The following AHI1 variants were observed in gnomAD, a reference collection of about 807,000 sequenced individuals.
AHI1 encodes jouberin.
In AHI1, 123 loss-of-function variants were observed where a neutral mutation model predicts 149.3. That is an observed-to-expected ratio of 0.82 (90% CI 0.71 to 0.96). AHI1 has a LOEUF of 0.96. AHI1 is among the 40% of genes least tolerant of loss of function. The probability of loss-of-function intolerance (pLI) is 0.00; values close to 1 mark genes in which losing one functional copy is unlikely to be tolerated. For synonymous variants in AHI1, 475 were observed against 459.8 expected (o/e 1.03, Z -0.42); for missense variants, 1,439 against 1,422.7 (o/e 1.01, Z -0.18).
intron 27 of AHI1, among the ~76,000 whole-genome samples, chr6:135,300,100 G>A (rs940936256): frequency 1.3e-5 from 2 of 152,066 alleles, no homozygotes; most frequent in African/African-American, 4.8e-5. Context: ...CGAGGCAGGT[G>A]GATCACCTGA....
chr6:135,381,986 AT>A (rs1776831147), intron 23 of AHI1, among the ~76,000 whole-genome samples: 1 of 152,232 alleles, frequency 6.6e-6, no homozygotes, highest in African/African-American at 2.4e-5. Flanking sequence ...GAGTACTTCT[AT>A]TAAAATGTGT....
chr6:135,340,656 TAC>T (rs147452903), intron 24 of AHI1, among the ~76,000 whole-genome samples: 8,195 of 58,462 alleles, frequency 0.14, 485 homozygotes, highest in African/African-American at 0.21. Flanking sequence ...TATACATACA[TAC>T]ATATATATAT....
At chr6:135,370,511 G>T (rs1308657611) in intron 23 of AHI1, among the ~76,000 whole-genome samples, 2 of 152,192 alleles carry the variant, frequency 1.3e-5, no homozygotes, top group Non-Finnish European at 2.9e-5. Context: ...ATCTCTCCTT[G>T]CCTCAGCAGT....
chr6:135,394,459 C>G (rs1778935574), intron 23 of AHI1, among the ~76,000 whole-genome samples: 1 of 152,004 alleles, frequency 6.6e-6, no homozygotes, highest in Admixed American at 6.6e-5. Context: ...GATTATCCAT[C>G]TATGATGGGT....
intron 26 of AHI1, among the ~76,000 whole-genome samples, chr6:135,317,388 C>G (rs567001812): frequency 6.6e-6 from 1 of 150,808 alleles, no homozygotes; most frequent in Non-Finnish European, 1.5e-5. Flanking sequence ...TCATACCATC[C>G]CATAACTTAC....
chr6:135,398,629 T>C (rs1266628042), intron 22 of AHI1, among the ~76,000 whole-genome samples: 4 of 152,190 alleles, frequency 2.6e-5, no homozygotes, highest in Non-Finnish European at 5.9e-5. Flanking sequence ...TATCCAGCAA[T>C]ATTCTTTAGG....
At chr6:135,337,923 G>A (rs1036099806) in intron 24 of AHI1, among the ~76,000 whole-genome samples, 6 of 152,090 alleles carry the variant, frequency 3.9e-5, no homozygotes, top group Admixed American at 2.6e-4. Context: ...GGAGAAGTTC[G>A]CGTACATGCA....
intron 23 of AHI1, among the ~76,000 whole-genome samples, chr6:135,393,002 C>T (rs1015175162): frequency 1.6e-4 from 25 of 152,164 alleles, no homozygotes; most frequent in African/African-American, 4.3e-4. Context: ...AAGAAAGATA[C>T]GCCTTAAAAT....
At chr6:135,465,500 T>C (rs1368856576) in intron 7 of AHI1, among the ~76,000 whole-genome samples, 1 of 152,130 alleles carries the variant, frequency 6.6e-6, no homozygotes, top group East Asian at 1.9e-4. Context: ...CAGATGTAAG[T>C]GAGTAGTTCA....
intron 20 of AHI1, among the ~76,000 whole-genome samples, chr6:135,421,247 G>A (rs1209073954): frequency 2.6e-5 from 4 of 152,216 alleles, no homozygotes; most frequent in Middle Eastern, 3.4e-3. Context: ...TGAGAGCTAC[G>A]AAAATGTGAC....
chr6:135,352,703 A>G (rs62431506), intron 24 of AHI1, among the ~76,000 whole-genome samples: 9,135 of 70,720 alleles, frequency 0.13, 331 homozygotes, highest in East Asian at 0.17. Context: ...TTGTGTGTGT[A>G]TATATATATA....
At chr6:135,309,031 C>T (rs979860157) in intron 26 of AHI1, among the ~76,000 whole-genome samples, 1 of 152,162 alleles carries the variant, frequency 6.6e-6, no homozygotes, top group Admixed American at 6.5e-5. Flanking sequence ...ACAGTAGGGG[C>T]TGAGGTACAT....
intron 26 of AHI1, chr6:135,307,059 T>A (rs1784607909): frequency 6.6e-6 from 1 of 152,200 alleles, no homozygotes; most frequent in African/African-American, 2.4e-5. Flanking sequence ...AAGAGGTGGC[T>A]GCTTAAAAAC....
intron 23 of AHI1, among the ~76,000 whole-genome samples, chr6:135,379,386 C>T (rs193021266): frequency 6.6e-6 from 1 of 152,118 alleles, no homozygotes; most frequent in Admixed American, 6.6e-5. Context: ...CTTCTCCTAC[C>T]TCAATTATTA....
intron 13 of AHI1, among the ~76,000 whole-genome samples, chr6:135,442,924 T>C (rs1227705732): frequency 6.6e-6 from 1 of 152,162 alleles, no homozygotes; most frequent in East Asian, 1.9e-4. Flanking sequence ...TTGTTCTTCA[T>C]GTTTAAGTAG....
At chr6:135,392,735 TA>T (rs746507633) in intron 23 of AHI1, among the ~76,000 whole-genome samples, 1 of 152,194 alleles carries the variant, frequency 6.6e-6, no homozygotes. Context: ...ACAGAATTTT[TA>T]AAGCAGAAAC....
intron 9 of AHI1, 123 bp from the exon 10 acceptor site, chr6:135,456,049 A>T: frequency 1.7e-6 from 1 of 580,906 alleles, no homozygotes; most frequent in Non-Finnish European, 2.6e-6. Flanking sequence ...CAAAAGGAAA[A>T]ATTATTCTGA....
At chr6:135,464,623 A>C (rs1790453258) in intron 7 of AHI1, among the ~76,000 whole-genome samples, 1 of 152,132 alleles carries the variant, frequency 6.6e-6, no homozygotes, top group African/African-American at 2.4e-5. Context: ...ACTCTCTCAG[A>C]GCCCTTGGTC....
intron 23 of AHI1, among the ~76,000 whole-genome samples, chr6:135,375,566 C>G (rs1362091132): frequency 6.6e-6 from 1 of 152,122 alleles, no homozygotes; most frequent in African/African-American, 2.4e-5. Context: ...TACTTTGCAA[C>G]ATTTGTACTG....
Sources: allele counts gnomAD v4.1 joint callset (sites outside exome capture counted in the v4.1 genomes callset), GRCh38; gene constraint gnomAD v4.1.1; transcripts MANE v1.5; gene names NCBI Gene and HGNC (gene_info 2026-07-23, HGNC 2026-07-21).